GRID2: variants seen among roughly 807,000 people sequenced by gnomAD.
The protein encoded by GRID2 is glutamate ionotropic receptor delta type subunit 2, also known as glutamate receptor ionotropic, delta-2.
In GRID2, 33 loss-of-function variants were observed where a neutral mutation model predicts 114.8. The observed-to-expected ratio is 0.29, with a 90% CI of 0.22 to 0.38. The LOEUF (loss-of-function observed/expected upper bound fraction) is 0.38. Ranked by LOEUF, GRID2 falls within the 10% of genes least tolerant of loss-of-function variation. The pLI is 1.00. For synonymous variants in GRID2, 505 were observed against 449.9 expected, an observed-to-expected ratio of 1.12 and a Z score of -1.55; for missense variants, 1,184 against 1,257.7, an observed-to-expected ratio of 0.94 and a Z score of 0.89.
chr4:92,484,311 T>G (rs550080388), intron 1 of GRID2, among the ~76,000 whole-genome samples: 1 of 152,156 alleles, frequency 6.6e-6, no homozygotes, highest in Non-Finnish European at 1.5e-5. Context: ...AATGATTCAG[T>G]AATTCCCTTG....
At chr4:93,359,157 T>A (rs1183604144) in intron 8 of GRID2, among the ~76,000 whole-genome samples, 1 of 152,124 alleles carries the variant, frequency 6.6e-6, no homozygotes, top group Non-Finnish European at 1.5e-5. Flanking sequence ...AATGTGTCTC[T>A]GACATCCTTC....
intron 2 of GRID2, among the ~76,000 whole-genome samples, chr4:93,039,743 C>T (rs1004388433): frequency 6.6e-6 from 1 of 152,126 alleles, no homozygotes; most frequent in Admixed American, 6.6e-5. Flanking sequence ...CAAATCCCGG[C>T]TCATACTAAC....
chr4:93,425,276 T>C (rs1768729173), intron 10 of GRID2, among the ~76,000 whole-genome samples: 1 of 152,174 alleles, frequency 6.6e-6, no homozygotes, highest in Non-Finnish European at 1.5e-5. Flanking sequence ...CTGAAAAGGA[T>C]TGATTTTTGC....
chr4:93,081,892 G>A (rs981495845), intron 2 of GRID2, among the ~76,000 whole-genome samples: 5 of 152,102 alleles, frequency 3.3e-5, no homozygotes, highest in East Asian at 1.9e-4. Flanking sequence ...GGTAGTCTGC[G>A]TTGCTAAGCT....
At position 93,163,382 on chromosome 4, in the gene GRID2, A is replaced by G. The variant is rs1266528172; in HGVS notation, c.736-44022A>G. ...TATATATATATATATATATATATAT[A>G]TATATATATATATATATACACTATA... On this transcript the variant is annotated intron_variant, in intron 4 of 15. Transcript: ENST00000282020. Among the ~76,000 whole-genome samples the G allele has an allele frequency of 8.4e-4, 38 of 45,002 alleles. 2 individuals are homozygous for G. Among genetic ancestry groups the G allele is most frequent in the East Asian group, 6.4e-3 (13 of 2,040 alleles). 29.5% of individuals were successfully genotyped at this position (45,002 alleles called of 152,430 possible).
intron 14 of GRID2, among the ~76,000 whole-genome samples, chr4:93,729,988 G>A (rs750606183): frequency 2.0e-5 from 3 of 152,102 alleles, no homozygotes; most frequent in Non-Finnish European, 4.4e-5. Context: ...ACAGAGCCTG[G>A]CACATTAGGC....
chr4:93,280,898 T>C (rs1752575327), intron 8 of GRID2, among the ~76,000 whole-genome samples: 1 of 151,920 alleles, frequency 6.6e-6, no homozygotes, highest in Admixed American at 6.6e-5. Context: ...TCCTACTACA[T>C]CCAAAACTCT....
intron 2 of GRID2, among the ~76,000 whole-genome samples, chr4:92,764,802 A>C (rs1016620762): frequency 5.3e-5 from 8 of 152,196 alleles, no homozygotes; most frequent in Admixed American, 4.6e-4. Flanking sequence ...CTATTGAGTA[A>C]ATAAACATCG....
chr4:93,396,919 A>C (rs1026882321), intron 9 of GRID2, among the ~76,000 whole-genome samples: 1 of 152,018 alleles, frequency 6.6e-6, no homozygotes, highest in Admixed American at 6.6e-5. Flanking sequence ...GTAATAGTCC[A>C]TAGTTAGTAC....
intron 1 of GRID2, among the ~76,000 whole-genome samples, chr4:92,387,346 G>A (rs1730012592): frequency 6.6e-6 from 1 of 151,914 alleles, no homozygotes; most frequent in South Asian, 2.1e-4. Flanking sequence ...TCTAAGAGAT[G>A]TTTTGAAAAC....
At chr4:93,072,488 A>G (rs1356981587) in intron 2 of GRID2, among the ~76,000 whole-genome samples, 1 of 152,150 alleles carries the variant, frequency 6.6e-6, no homozygotes, top group Admixed American at 6.6e-5. Context: ...AGTTGGTATC[A>G]GAAGGATATG....
chr4:92,473,196 G>A (rs1025327948), intron 1 of GRID2, among the ~76,000 whole-genome samples: 1 of 151,910 alleles, frequency 6.6e-6, no homozygotes, highest in South Asian at 2.1e-4. Context: ...AAAATCAATT[G>A]ACCATGTAAT....
intron 3 of GRID2, among the ~76,000 whole-genome samples, chr4:93,106,061 A>C (rs2149345729): frequency 6.6e-6 from 1 of 152,284 alleles, no homozygotes; most frequent in African/African-American, 2.4e-5. Flanking sequence ...TAACTCAATT[A>C]ATGAGCCTTC....
At chr4:92,491,044 T>G (rs1723123451) in intron 1 of GRID2, among the ~76,000 whole-genome samples, 1 of 152,172 alleles carries the variant, frequency 6.6e-6, no homozygotes, top group Non-Finnish European at 1.5e-5. Flanking sequence ...TACTTATAAT[T>G]TCTCCCTATT....
At chr4:93,038,916 C>T (rs1001431286) in intron 2 of GRID2, among the ~76,000 whole-genome samples, 5 of 152,054 alleles carry the variant, frequency 3.3e-5, no homozygotes, top group African/African-American at 1.2e-4. Flanking sequence ...GTGGCGATTC[C>T]TCAAGGATCT....
intron 1 of GRID2, among the ~76,000 whole-genome samples, chr4:92,501,942 T>C (rs12331195): frequency 0.11 from 16,686 of 152,190 alleles, 1,713 homozygotes; most frequent in African/African-American, 0.27. Context: ...AATATTTTCA[T>C]GAATTAAATT....
chr4:92,930,704 G>C (rs1243199749), intron 2 of GRID2, among the ~76,000 whole-genome samples: 2 of 148,966 alleles, frequency 1.3e-5, no homozygotes, highest in African/African-American at 4.9e-5. Context: ...TATATGTGTT[G>C]AAAGAAAAGT....
intron 13 of GRID2, among the ~76,000 whole-genome samples, chr4:93,557,744 G>A (rs1403260552): frequency 6.6e-6 from 1 of 152,196 alleles, no homozygotes; most frequent in Non-Finnish European, 1.5e-5. Flanking sequence ...AGACCTAATA[G>A]TCATCTACAG....
rs551268579 is a variant in GRID2, at chr4:92,396,694, CA to C, written c.88+91952del. ...ATTATTAAAGATGGTCAAAGCAAGA[CA>C]ATATCTTTTATGAAATTATTTTAAT... On this transcript the variant is annotated intron_variant, in intron 1 of 15. Coordinates refer to ENST00000282020, the MANE Select transcript of GRID2 (RefSeq NM_001510.4). 6.0e-4 allele frequency among the ~76,000 whole-genome samples: 92 copies of C among 152,114 alleles called. 1 individual carries two copies. The highest frequency in any genetic ancestry group is 2.2e-3 in the African/African-American group (91 of 41,570).
Sources: allele counts gnomAD v4.1 joint callset (sites outside exome capture counted in the v4.1 genomes callset), GRCh38; gene constraint gnomAD v4.1.1; transcripts MANE v1.5; gene names NCBI Gene and HGNC (gene_info 2026-07-23, HGNC 2026-07-21).